SPOCK3: variants seen among roughly 807,000 people sequenced by gnomAD.
SPOCK3 encodes SPARC (osteonectin), cwcv and kazal like domains proteoglycan 3.
SPOCK3 carries 30 observed loss-of-function variants against 56.6 expected under a neutral mutation model. The ratio of observed to expected loss-of-function variants is 0.53; its 90% confidence interval spans 0.40 to 0.72. The LOEUF (loss-of-function observed/expected upper bound fraction) is 0.72, where lower values mean the gene tolerates loss of function less well. Ranked by LOEUF, SPOCK3 falls within the 30% of genes least tolerant of loss-of-function variation. The probability of loss-of-function intolerance (pLI) is 0.00; values close to 1 mark genes in which losing one functional copy is unlikely to be tolerated. For synonymous variants in SPOCK3, 196 were observed against 183.3 expected, an observed-to-expected ratio of 1.07 and a Z score of -0.56; for missense variants, 527 against 530.0, an observed-to-expected ratio of 0.99 and a Z score of 0.06.
rs191179694 is a variant in SPOCK3, at chr4:167,167,487, C to T, written c.189+66498G>A. ...CAAACTCCATCTGCCTATTAAAATACTTTCAGAAAACTGTAAATAAATCAT... is the reference window on the plus strand; with the variant it reads ...CAAACTCCATCTGCCTATTAAAATATTTTCAGAAAACTGTAAATAAATCAT... On this transcript the variant is annotated intron_variant, in intron 2 of 10. Coordinates refer to ENST00000357545, the MANE Select transcript of SPOCK3 (RefSeq NM_001040159.2). Among the ~76,000 whole-genome samples, 7 of 152,270 alleles carry T rather than the reference C, an allele frequency of 4.6e-5. No homozygotes were observed. The East Asian group carries it at 1.4e-3, about 29-fold the overall frequency.
intron 2 of SPOCK3, among the ~76,000 whole-genome samples, chr4:167,182,741 T>G (rs995375051): frequency 6.6e-6 from 1 of 152,148 alleles, no homozygotes; most frequent in Non-Finnish European, 1.5e-5. Flanking sequence ...TTTCACCATA[T>G]TAGTTAAGCT....
chr4:166,770,214 C>A (rs978034909), intron 7 of SPOCK3, among the ~76,000 whole-genome samples: 1 of 152,054 alleles, frequency 6.6e-6, no homozygotes, highest in African/African-American at 2.4e-5. Context: ...GTCCGATAAG[C>A]CCCAGTGAGA....
chr4:166,738,458 G>T (rs377679371), intron 9 of SPOCK3, among the ~76,000 whole-genome samples: 16 of 149,102 alleles, frequency 1.1e-4, no homozygotes, highest in South Asian at 4.3e-4. Flanking sequence ...TTACTCTATG[G>T]TTTTTTTTTC....
chr4:167,039,677 A>T (rs200026731), intron 3 of SPOCK3, among the ~76,000 whole-genome samples: 1 of 8 alleles, frequency 0.12, no homozygotes, highest in Non-Finnish European at 0.17. Flanking sequence ...TTTACTAAAT[A>T]AAAAAAAAAA....
At chr4:166,862,239 T>C (rs1476956140) in intron 6 of SPOCK3, among the ~76,000 whole-genome samples, 2 of 152,056 alleles carry the variant, frequency 1.3e-5, no homozygotes, top group African/African-American at 4.8e-5. Flanking sequence ...GAAGTAGGCT[T>C]CCTACTCGAT....
At chr4:166,860,120 G>A (rs1473752410) in intron 6 of SPOCK3, among the ~76,000 whole-genome samples, 2 of 152,028 alleles carry the variant, frequency 1.3e-5, no homozygotes, top group Non-Finnish European at 2.9e-5. Flanking sequence ...AGGCGTAGCT[G>A]GTATCATATC....
intron 6 of SPOCK3, among the ~76,000 whole-genome samples, chr4:166,882,083 AATT>A (rs1052401869): frequency 6.6e-6 from 1 of 152,142 alleles, no homozygotes; most frequent in Non-Finnish European, 1.5e-5. Context: ...GTGTGCATAT[AATT>A]ATTATTTGTC....
chr4:167,068,051 A>T (rs1462168856), intron 2 of SPOCK3, among the ~76,000 whole-genome samples: 2 of 151,242 alleles, frequency 1.3e-5, no homozygotes, highest in Non-Finnish European at 3.0e-5. Flanking sequence ...CTCCAATTTC[A>T]ATTAAATTAG....
At chr4:167,188,930 T>C (rs1732246638) in intron 2 of SPOCK3, among the ~76,000 whole-genome samples, 1 of 146,456 alleles carries the variant, frequency 6.8e-6, no homozygotes, top group Admixed American at 7.0e-5. Flanking sequence ...CTAGATATAT[T>C]AAAGAAATTG....
intron 7 of SPOCK3, among the ~76,000 whole-genome samples, chr4:166,762,094 T>TTTG (rs375141929): frequency 0.33 from 49,974 of 151,658 alleles, 8,370 homozygotes; most frequent in Admixed American, 0.42. Context: ...TTTCAGTGTT[T>TTTG]TTGTTGTTGT....
chr4:166,796,393 G>A (rs932004115), intron 6 of SPOCK3, among the ~76,000 whole-genome samples: 1 of 152,098 alleles, frequency 6.6e-6, no homozygotes, highest in African/African-American at 2.4e-5. Flanking sequence ...TCAAATCAGA[G>A]GCAGAGTCCG....
rs1750629605 is a variant in SPOCK3, at chr4:167,016,512, C to T, written c.236-16049G>A. On this transcript the variant is annotated intron_variant, in intron 3 of 10. Transcript: ENST00000357545. ...TCCCCATGAAGAAAGCTGGATATGT[C>T]ACTGAGAGATGCAAAAGGAACCCAG... 4.0e-5 allele frequency among the ~76,000 whole-genome samples: 6 copies of T among 151,826 alleles called. No homozygotes were observed. In the South Asian group the frequency reaches 1.0e-3, roughly 26 times the overall value.
Position 166,748,897 on chromosome 4 carries a change from C to T in SPOCK3, c.931+5611G>A, listed in dbSNP as rs1333188517. On this transcript the variant is annotated intron_variant, in intron 8 of 10. Coordinates refer to ENST00000357545, the MANE Select transcript of SPOCK3 (RefSeq NM_001040159.2). Reference sequence around the variant, plus strand: ...CAGACACAGAAAAAATGCTCATCATCACTGGCCATCAGGGAAATGCATATC... The same window carrying T: ...CAGACACAGAAAAAATGCTCATCATTACTGGCCATCAGGGAAATGCATATC... Among the ~76,000 whole-genome samples, 2 of 137,716 alleles carry T rather than the reference C, an allele frequency of 1.5e-5. 1 individual carries two copies. Among genetic ancestry groups the T allele is most frequent in the African/African-American group, 6.2e-5 (2 of 32,414 alleles). The allele number at this position is 137,716 out of a possible 152,430, so 90.3% of individuals were successfully genotyped here.
chr4:166,804,035 G>A (rs532495043), intron 6 of SPOCK3, among the ~76,000 whole-genome samples: 17 of 152,256 alleles, frequency 1.1e-4, no homozygotes, highest in African/African-American at 3.6e-4. Flanking sequence ...ATGGGATGAA[G>A]GGGGTTCGAA....
chr4:167,054,187 C>T (rs190381568), intron 3 of SPOCK3, among the ~76,000 whole-genome samples: 1 of 152,158 alleles, frequency 6.6e-6, no homozygotes, highest in Admixed American at 6.5e-5. Context: ...TCAGTTCAAG[C>T]AGATTCTCTG....
At chr4:167,151,660 C>T (rs756864533) in intron 2 of SPOCK3, among the ~76,000 whole-genome samples, 10 of 152,168 alleles carry the variant, frequency 6.6e-5, no homozygotes, top group Non-Finnish European at 1.3e-4. Flanking sequence ...TGGTCTCGAT[C>T]TCCTGACCTC....
chr4:167,163,157 TG>T (rs1765465234), intron 2 of SPOCK3, among the ~76,000 whole-genome samples: 1 of 144,526 alleles, frequency 6.9e-6, no homozygotes, highest in Admixed American at 7.2e-5. Context: ...TAGGTTTTTT[TG>T]TTGGGGGATT....
chr4:166,924,953 C>A (rs1238302555), intron 4 of SPOCK3, among the ~76,000 whole-genome samples: 1 of 152,156 alleles, frequency 6.6e-6, no homozygotes, highest in East Asian at 1.9e-4. Flanking sequence ...GTAACACTAG[C>A]ATTATTTAGG....
chr4:167,074,550 C>G (rs549771848), intron 2 of SPOCK3, among the ~76,000 whole-genome samples: 47 of 151,990 alleles, frequency 3.1e-4, no homozygotes, highest in Non-Finnish European at 1.6e-4. Context: ...ACTGTGGGAA[C>G]TCCAAGAGAG....
Sources: allele counts gnomAD v4.1 joint callset (sites outside exome capture counted in the v4.1 genomes callset), GRCh38; gene constraint gnomAD v4.1.1; transcripts MANE v1.5; gene names NCBI Gene and HGNC (gene_info 2026-07-23, HGNC 2026-07-21).